Variants in HS6ST1 observed in about 807,000 individuals in gnomAD.
HS6ST1 encodes heparan sulfate 6-O-sulfotransferase 1, also known as heparan-sulfate 6-O-sulfotransferase 1.
Under a neutral mutation model 25.2 loss-of-function variants are expected in HS6ST1, and 3 were observed. That is an observed-to-expected ratio of 0.12 (90% CI 0.05 to 0.31). HS6ST1 has a LOEUF of 0.31. HS6ST1 is among the 10% of genes least tolerant of loss of function. The probability of loss-of-function intolerance (pLI) is 1.00; values close to 1 mark genes in which losing one functional copy is unlikely to be tolerated. For missense variants in HS6ST1, 310 were observed against 609.6 expected (o/e 0.51, Z 5.18); for synonymous variants, 204 against 275.1 (o/e 0.74, Z 2.56).
At chr2:128,300,685 C>T (rs778542130) in intron 1 of HS6ST1, among the ~76,000 whole-genome samples, 15 of 152,312 alleles carry the variant, frequency 9.8e-5, no homozygotes, top group African/African-American at 2.2e-4. Flanking sequence ...AGGTGGAGGA[C>T]GAGGATGCCC....
At chr2:128,313,257 G>A (rs1277519161) in intron 1 of HS6ST1, among the ~76,000 whole-genome samples, 1 of 152,176 alleles carries the variant, frequency 6.6e-6, no homozygotes, top group Non-Finnish European at 1.5e-5. Context: ...GGAAATCAGA[G>A]CTATGCAGAA....
chr2:128,288,081 C>G (rs533946307), intron 1 of HS6ST1, among the ~76,000 whole-genome samples: 1 of 152,200 alleles, frequency 6.6e-6, no homozygotes, highest in Non-Finnish European at 1.5e-5. Flanking sequence ...TGACTAGGGG[C>G]GGGCTGGCTC....
intron 1 of HS6ST1, among the ~76,000 whole-genome samples, chr2:128,273,173 C>T (rs1300633735): frequency 1.3e-5 from 2 of 152,194 alleles, no homozygotes; most frequent in Non-Finnish European, 2.9e-5. Context: ...AATAAAATGG[C>T]GCAACGGACA....
At chr2:128,281,714 T>A (rs1219724982) in intron 1 of HS6ST1, among the ~76,000 whole-genome samples, 3 of 152,092 alleles carry the variant, frequency 2.0e-5, no homozygotes, top group Non-Finnish European at 4.4e-5. Flanking sequence ...CTGAACCTAA[T>A]CCATCTATTC....
intron 1 of HS6ST1, among the ~76,000 whole-genome samples, chr2:128,282,938 G>C (rs1041126994): frequency 2.6e-5 from 4 of 152,194 alleles, no homozygotes; most frequent in African/African-American, 9.6e-5. Flanking sequence ...CTGGACCTCA[G>C]GGGACCAGAC....
chr2:128,294,440 C>T (rs895628513), intron 1 of HS6ST1, among the ~76,000 whole-genome samples: 1 of 152,160 alleles, frequency 6.6e-6, no homozygotes, highest in Non-Finnish European at 1.5e-5. Flanking sequence ...GGACTTGCCA[C>T]CTTTAGAAAC....
chr2:128,298,186 A>G (rs542795136), intron 1 of HS6ST1, among the ~76,000 whole-genome samples: 15 of 152,322 alleles, frequency 9.8e-5, no homozygotes, highest in South Asian at 4.1e-4. Flanking sequence ...GCAAGGATGT[A>G]GAGAAACTGG....
Position 128,315,631 on chromosome 2 carries a change from C to A in HS6ST1, c.527+2406G>T, listed in dbSNP as rs146218413. Reference sequence around the variant, plus strand: ...GGCACCCCAGCAGGGATGGGCACTGCCCCTGATAGAGAGTTGCTGGGTCCC... The same window carrying A: ...GGCACCCCAGCAGGGATGGGCACTGACCCTGATAGAGAGTTGCTGGGTCCC... On this transcript the variant is annotated intron_variant, in intron 1 of 1. Transcript: ENST00000259241. Among the ~76,000 whole-genome samples, 3 of 152,312 alleles carry A rather than the reference C, an allele frequency of 2.0e-5. No homozygotes were observed. The East Asian group carries it at 5.8e-4, about 29-fold the overall frequency.
chr2:128,304,289 G>A (rs1694175373), intron 1 of HS6ST1, among the ~76,000 whole-genome samples: 1 of 152,180 alleles, frequency 6.6e-6, no homozygotes, highest in South Asian at 2.1e-4. Flanking sequence ...TACGCTGGGG[G>A]ATGCTGCCAG....
intron 1 of HS6ST1, among the ~76,000 whole-genome samples, chr2:128,296,625 G>A (rs1363789794): frequency 2.0e-5 from 3 of 152,166 alleles, no homozygotes; most frequent in African/African-American, 7.2e-5. Flanking sequence ...GTTGGCATCA[G>A]AAAGTGTAAA....
Position 128,318,335 on chromosome 2 carries a change from G to A in HS6ST1, c.229C>T (p.Arg77Cys), listed in dbSNP as rs779995234. Residue 77 changes from arginine to cysteine, a missense_variant, in exon 1 of 2, where the codon CGC becomes TGC. This residue lies in a region of HS6ST1 where 9 missense variants were observed against 27.4 expected (regional missense o/e 0.33). Coordinates refer to ENST00000259241, the MANE Select transcript of HS6ST1 (RefSeq NM_004807.3). The surrounding 1 kb of genome is among the most constrained non-coding windows in gnomAD (Gnocchi z 5.7). ...KYYFPVRELE[R>C]SLRFDMKGDD... ...CCCTTCATGTCGAAGCGCAGCGAGC[G>A]CTCCAGCTCGCGGACCGGGAAGTAG... The A allele has an allele frequency of 6.2e-7, 1 of 1,611,860 alleles. No homozygotes were observed. The highest frequency in any genetic ancestry group is 8.5e-7 in the Non-Finnish European group (1 of 1,179,372).
chr2:128,302,388 G>A (rs926295313), intron 1 of HS6ST1, among the ~76,000 whole-genome samples: 1 of 152,150 alleles, frequency 6.6e-6, no homozygotes, highest in East Asian at 1.9e-4. Flanking sequence ...ATGTGGGAGT[G>A]CATGTGTGGG....
intron 1 of HS6ST1, among the ~76,000 whole-genome samples, chr2:128,306,290 G>C (rs1382614115): frequency 6.6e-6 from 1 of 152,186 alleles, no homozygotes. Context: ...GGTCGGGCTG[G>C]AGGACGTGGC....
At chr2:128,293,653 C>T (rs1693993376) in intron 1 of HS6ST1, among the ~76,000 whole-genome samples, 1 of 152,200 alleles carries the variant, frequency 6.6e-6, no homozygotes. Flanking sequence ...GAGGAACATG[C>T]TCCCAGATTC....
intron 1 of HS6ST1, among the ~76,000 whole-genome samples, chr2:128,299,227 C>T (rs1178757946): frequency 1.3e-5 from 2 of 152,252 alleles, no homozygotes; most frequent in Non-Finnish European, 2.9e-5. Context: ...ACCACAACTC[C>T]CCGACGCACC....
At chr2:128,286,768 T>C (rs1693870524) in intron 1 of HS6ST1, among the ~76,000 whole-genome samples, 1 of 152,256 alleles carries the variant, frequency 6.6e-6, no homozygotes, top group African/African-American at 2.4e-5. Flanking sequence ...GTGAAAATCT[T>C]TGCTGGCTTT....
At chr2:128,284,481 A>C in intron 1 of HS6ST1, among the ~76,000 whole-genome samples, 2 of 142,648 alleles carry the variant, frequency 1.4e-5, no homozygotes. Flanking sequence ...CGCCTACCAT[A>C]CTGTGGAGGT....
At chr2:128,291,511 C>G (rs1382954367) in intron 1 of HS6ST1, among the ~76,000 whole-genome samples, 1 of 152,220 alleles carries the variant, frequency 6.6e-6, no homozygotes, top group African/African-American at 2.4e-5. Flanking sequence ...ACTGGGTGAG[C>G]TCAGAAGGTG....
intron 1 of HS6ST1, among the ~76,000 whole-genome samples, chr2:128,283,650 CAG>C (rs1693818826): frequency 6.6e-6 from 1 of 152,200 alleles, no homozygotes; most frequent in East Asian, 1.9e-4. Flanking sequence ...ATGTCTTCTG[CAG>C]CCTCGGCCTC....
Sources: allele counts gnomAD v4.1 joint callset (sites outside exome capture counted in the v4.1 genomes callset), GRCh38; gene constraint gnomAD v4.1.1; regional missense constraint gnomAD v4.1.1; non-coding constraint Gnocchi (gnomAD v3.1); transcripts MANE v1.5; gene names NCBI Gene and HGNC (gene_info 2026-07-23, HGNC 2026-07-21).